The following ERICH3 variants were observed in gnomAD, a reference collection of about 807,000 sequenced individuals.
ERICH3 encodes glutamate rich 3.
A neutral mutation model predicts 131.1 loss-of-function variants in ERICH3; 126 were observed. That is an observed-to-expected ratio of 0.96 (90% CI 0.83 to 1.11). The LOEUF (loss-of-function observed/expected upper bound fraction) is 1.11. Among genes scored for constraint, ERICH3 ranks in the 50% most tolerant of loss-of-function variants. The pLI is 0.00. For synonymous variants in ERICH3, 695 were observed against 644.6 expected, an observed-to-expected ratio of 1.08 and a Z score of -1.18; for missense variants, 2,050 against 1,810.7, an observed-to-expected ratio of 1.13 and a Z score of -2.40.
intron 9 of ERICH3, among the ~76,000 whole-genome samples, chr1:74,609,138 T>G (rs535382226): frequency 1.2e-4 from 19 of 152,050 alleles, no homozygotes; most frequent in Non-Finnish European, 2.8e-4. Flanking sequence ...CTTCCCAAGT[T>G]TCATGCTAGC....
At chr1:74,638,321 A>G (rs1189240295) in intron 5 of ERICH3, among the ~76,000 whole-genome samples, 1 of 152,206 alleles carries the variant, frequency 6.6e-6, no homozygotes, top group Admixed American at 6.5e-5. Flanking sequence ...GCAACACAAA[A>G]CAACTAGTGT....
At position 74,599,817 on chromosome 1, in the gene ERICH3, T is replaced by C; in HGVS notation, c.1604A>G (p.Lys535Arg). The C allele has an allele frequency of 1.9e-6, 3 of 1,612,444 alleles. No homozygotes were observed. The highest frequency in any genetic ancestry group is 2.5e-6 in the Non-Finnish European group (3 of 1,178,954). ...CTCTTTTTCAGGGTCTAAATTATCT[T>C]TTTTATCATCCAAAGGTGACTGCGG... ...GIPQSPLDDK[K>R]DNLDPEKESE... The change falls in exon 11 of 15, where the codon AAA becomes AGA. Residue 535 changes from lysine to arginine, a missense_variant. By Grantham distance (26) the Lys-to-Arg change is conservative. Coordinates refer to ENST00000326665, the MANE Select transcript of ERICH3 (RefSeq NM_001002912.5).
chr1:74,667,995 T>G (rs1172101761), intron 1 of ERICH3, among the ~76,000 whole-genome samples: 4 of 152,154 alleles, frequency 2.6e-5, no homozygotes, highest in African/African-American at 9.7e-5. Flanking sequence ...ACTTGCTTTC[T>G]CTCCTGCTGC....
chr1:74,633,440 T>C (rs1363929973), intron 6 of ERICH3, among the ~76,000 whole-genome samples: 3 of 151,940 alleles, frequency 2.0e-5, no homozygotes, highest in Non-Finnish European at 4.4e-5. Context: ...AATCAATGAA[T>C]CTAGAACTTT....
At chr1:74,576,072 C>T (rs1167245090) in intron 13 of ERICH3, among the ~76,000 whole-genome samples, 1 of 152,164 alleles carries the variant, frequency 6.6e-6, no homozygotes, top group African/African-American at 2.4e-5. Flanking sequence ...CCAGCTCTGC[C>T]ATTTACTAAT....
At chr1:74,668,190 T>C (rs1646709367) in intron 1 of ERICH3, among the ~76,000 whole-genome samples, 3 of 152,216 alleles carry the variant, frequency 2.0e-5, no homozygotes, top group Admixed American at 2.0e-4. Flanking sequence ...GGAATCAATT[T>C]CTATTGCTCA....
chr1:74,669,024 A>G (rs1356616884), intron 1 of ERICH3, among the ~76,000 whole-genome samples: 2 of 152,008 alleles, frequency 1.3e-5, no homozygotes, highest in Non-Finnish European at 2.9e-5. Flanking sequence ...ACCTTTCTTT[A>G]GGAAATAATG....
Position 74,631,874 on chromosome 1 carries a change from T to C in ERICH3, c.658A>G (p.Asn220Asp). The change falls in exon 7 of 15, where the codon AAT (asparagine) becomes GAT (aspartate). Residue 220 changes from asparagine to aspartate, a missense_variant. By Grantham distance (23) the Asn-to-Asp change is conservative. Coordinates refer to ENST00000326665, the MANE Select transcript of ERICH3 (RefSeq NM_001002912.5). ...TTAATGTTTGGAAGTTGATATGAAT[T>C]CATTCTCTGTGAATTGCCTATGGAG... ...RNSIGNSQRMNSYQLPNINSY... is the reference protein window; with the variant it reads ...RNSIGNSQRMDSYQLPNINSY... 6.2e-7 allele frequency: 1 copy of C among 1,613,516 alleles called. No homozygotes were observed. The highest frequency in any genetic ancestry group is 8.5e-7 in the Non-Finnish European group (1 of 1,179,638).
At chr1:74,617,365 A>G (rs933617396) in intron 8 of ERICH3, among the ~76,000 whole-genome samples, 2 of 152,204 alleles carry the variant, frequency 1.3e-5, no homozygotes, top group Non-Finnish European at 2.9e-5. Context: ...AACCACACCT[A>G]GGAATCTAAT....
chr1:74,607,164 CA>C (rs1318947570), intron 9 of ERICH3, among the ~76,000 whole-genome samples: 4 of 151,980 alleles, frequency 2.6e-5, no homozygotes, highest in African/African-American at 9.7e-5. Flanking sequence ...AATAACTCGT[CA>C]ACCAAGAACT....
At chr1:74,598,391 C>T (rs957292697) in intron 11 of ERICH3, among the ~76,000 whole-genome samples, 2 of 151,694 alleles carry the variant, frequency 1.3e-5, no homozygotes, top group African/African-American at 4.8e-5. Context: ...ATGTCCCTAA[C>T]CTTTGGATTA....
In ERICH3 at chr1:74,673,617, G is replaced by C. The variant is rs2100666205; in HGVS notation, c.-98C>G. 3.6e-6 allele frequency: 5 copies of C among 1,397,466 alleles called. No homozygotes were observed. Among genetic ancestry groups the C allele is most frequent in the Non-Finnish European group, 4.9e-6 (5 of 1,015,704 alleles). The allele number at this position is 1,397,466 out of a possible 1,614,324, so 86.6% of individuals were successfully genotyped here. ...CTGCGACAGTCGCGCTCGAGGGGTG[G>C]CTCCGCACCGAGGTCCCCTGTGCGC... On this transcript the variant is annotated 5_prime_UTR_variant, in exon 1 of 15. Coordinates refer to ENST00000326665, the MANE Select transcript of ERICH3 (RefSeq NM_001002912.5).
chr1:74,579,600 GA>G, intron 12 of ERICH3: 1 of 985,364 alleles, frequency 1.0e-6, no homozygotes, highest in Non-Finnish European at 1.2e-6. Flanking sequence ...TGTGAAACCA[GA>G]AAAGGCTTCA....
rs149783346 is a variant in ERICH3, at chr1:74,571,650, C to G, written c.4060G>C (p.Ala1354Pro). 318 of 1,614,048 alleles carry G rather than the reference C, an allele frequency of 2.0e-4. No individual in the cohort carries two copies. Among genetic ancestry groups the G allele is most frequent in the Middle Eastern group, 1.6e-4 (1 of 6,084 alleles). ...CCTGCCAACACCTCCCTCTCCTCTG[C>G]GGCTGTTTCTGCCGTTTCACCACCT... ...HGGGETAETA[A>P]EEREVLAGSE... The change falls in exon 14 of 15, where the codon GCA (alanine) becomes CCA (proline). Residue 1354 changes from alanine (A) to proline (P), a missense_variant. Coordinates refer to ENST00000326665, the MANE Select transcript of ERICH3 (RefSeq NM_001002912.5).
chr1:74,571,823 T>G lies in ERICH3; in HGVS notation c.3887A>C (p.Glu1296Ala). The G allele has an allele frequency of 1.2e-6, 2 of 1,613,042 alleles. No homozygotes were observed. The highest frequency in any genetic ancestry group is 1.7e-6 in the Non-Finnish European group (2 of 1,180,026). The change falls in exon 14 of 15, where the codon GAG (glutamate) becomes GCG (alanine). Residue 1296 changes from glutamate to alanine, a missense_variant. Physicochemically the swap from Glu to Ala is moderately radical, Grantham distance 107. Transcript: ENST00000326665. Reference protein sequence around the residue: ...REEAVDEDPEEEEDKECTLET... With the variant: ...REEAVDEDPEAEEDKECTLET... Reference sequence around the variant, plus strand: ...CAGAGTGCACTCTTTGTCCTCTTCCTCCTCTGGGTCCTCATCCACCGCTTC... The same window carrying G: ...CAGAGTGCACTCTTTGTCCTCTTCCGCCTCTGGGTCCTCATCCACCGCTTC...
At chr1:74,617,070 T>C (rs1022188186) in intron 8 of ERICH3, among the ~76,000 whole-genome samples, 5 of 152,022 alleles carry the variant, frequency 3.3e-5, no homozygotes, top group South Asian at 2.1e-4. Flanking sequence ...ATATAATATT[T>C]TTTAATCTGA....
chr1:74,604,088 C>T (rs1225530391), intron 10 of ERICH3, among the ~76,000 whole-genome samples: 1 of 151,872 alleles, frequency 6.6e-6, no homozygotes, highest in African/African-American at 2.4e-5. Flanking sequence ...TCAACTAATA[C>T]ATTTTATACA....
intron 7 of ERICH3, chr1:74,621,288 A>G (rs1054313129): frequency 6.4e-6 from 1 of 156,008 alleles, no homozygotes; most frequent in Non-Finnish European, 1.4e-5. Context: ...TCCAATAAAA[A>G]TCCAAACAAA....
In ERICH3 at chr1:74,607,446, T is replaced by C. The variant is rs1020334103; in HGVS notation, c.1188-544A>G. Among the ~76,000 whole-genome samples, 5 of 152,118 alleles carry C rather than the reference T, an allele frequency of 3.3e-5. No individual in the cohort carries two copies. In the South Asian group the frequency reaches 6.2e-4, roughly 19 times the overall value. Reference sequence around the variant, plus strand: ...CAACAGTAACAAAAGACTTACAAGATTGGCTCTAAATAAATATGATTGATT... The same window carrying C: ...CAACAGTAACAAAAGACTTACAAGACTGGCTCTAAATAAATATGATTGATT... On this transcript the variant is annotated intron_variant, in intron 9 of 14. Coordinates refer to ENST00000326665, the MANE Select transcript of ERICH3 (RefSeq NM_001002912.5).
Sources: allele counts gnomAD v4.1 joint callset (sites outside exome capture counted in the v4.1 genomes callset), GRCh38; gene constraint gnomAD v4.1.1; transcripts MANE v1.5; gene names NCBI Gene and HGNC (gene_info 2026-07-23, HGNC 2026-07-21).